The following CLDN9 variants were observed in gnomAD, a reference collection of about 807,000 sequenced individuals.
The protein encoded by CLDN9 is claudin 9.
CLDN9 carries 14 observed loss-of-function variants against 10.1 expected under a neutral mutation model. The observed-to-expected ratio is 1.38, with a 90% CI of 0.91 to 2.16. The LOEUF (loss-of-function observed/expected upper bound fraction) is 2.16. CLDN9 is among the 30% of genes most tolerant of loss of function. CLDN9 has a pLI of 0.00. For missense variants in CLDN9, 332 were observed against 294.8 expected (o/e 1.13, Z -0.93); for synonymous variants, 162 against 143.1 (o/e 1.13, Z -0.95).
Position 3,013,110 on chromosome 16 carries a change from C to T in CLDN9, c.-253C>T, listed in dbSNP as rs765505498. Reference sequence around the variant, plus strand: ...GATGGGCGGAGGCCCCTCGAGGTGACACCCACCACTCAGCCGAGCGGGACT... The same window carrying T: ...GATGGGCGGAGGCCCCTCGAGGTGATACCCACCACTCAGCCGAGCGGGACT... On this transcript the variant is annotated 5_prime_UTR_variant, in exon 1 of 1. Transcript: ENST00000445369. The surrounding 1 kb of genome is among the most constrained non-coding windows in gnomAD (Gnocchi z 6.4). The T allele has an allele frequency of 8.8e-5, 47 of 536,246 alleles. No individual in the cohort carries two copies. Among genetic ancestry groups the T allele is most frequent in the Non-Finnish European group, 1.4e-4 (42 of 299,666 alleles). The allele number at this position is 536,246 out of a possible 1,614,324, so 33.2% of individuals were successfully genotyped here. A position where few individuals can be genotyped will look rare whatever the true frequency, so the allele number is the denominator to read the frequency against.
rs1373901376 is a variant in CLDN9 at position 3,013,261 on chromosome 16, TC to T, written c.-97del. On this transcript the variant is annotated 5_prime_UTR_variant, in exon 1 of 1. An upstream open reading frame in the 5' UTR loses its in-frame stop. Transcript: ENST00000445369. The surrounding 1 kb of genome is among the most constrained non-coding windows in gnomAD (Gnocchi z 6.4). Reference sequence around the variant, plus strand: ...CTGGCTTGGGGACACCAACAAGCCTTCCCCCTCCTGCTGGACACAGAGACAC... The same window carrying T: ...CTGGCTTGGGGACACCAACAAGCCTTCCCCTCCTGCTGGACACAGAGACAC... 15 of 1,367,350 alleles carry T rather than the reference TC, an allele frequency of 1.1e-5. No homozygotes were observed. Among genetic ancestry groups the T allele is most frequent in the Non-Finnish European group, 2.9e-6 (3 of 1,019,868 alleles). The allele number at this position is 1,367,350 out of a possible 1,614,324, so 84.7% of individuals were successfully genotyped here. A position where few individuals can be genotyped will look rare whatever the true frequency, so the allele number is the denominator to read the frequency against.
Position 3,013,379 on chromosome 16 carries a change from T to C in CLDN9, c.17T>C (p.Leu6Ser). 1 of 1,613,170 alleles carries C rather than the reference T, an allele frequency of 6.2e-7. No homozygotes were observed. Among genetic ancestry groups the C allele is most frequent in the Middle Eastern group, 1.7e-4 (1 of 6,060 alleles). Residue 6 changes from leucine (L) to serine (S), a missense_variant, in exon 1 of 1, where the codon TTA becomes TCA. Coordinates refer to ENST00000445369, the MANE Select transcript of CLDN9 (RefSeq NM_020982.4). This position sits in a 1 kb window ranked among gnomAD's most constrained non-coding sequence, Gnocchi z 6.4. ...AGGGGCCAGATGGCTTCGACCGGCT[T>C]AGAACTGCTGGGCATGACCCTGGCT... MASTGLELLGMTLAVL... is the reference protein window; with the variant it reads MASTGSELLGMTLAVL...
rs960216725 is a variant in CLDN9, at chr16:3,014,217, C to T, written c.*201C>T. ...TCAGTGGGGTCCCCTTTGATGTTCT[C>T]CCCCAAGTTGGGCAGCCTAGAGGTG... is the stretch of plus-strand genomic sequence containing the variant. On this transcript the variant is annotated 3_prime_UTR_variant, in exon 1 of 1. Coordinates refer to ENST00000445369, the MANE Select transcript of CLDN9 (RefSeq NM_020982.4). 3.5e-6 allele frequency: 2 copies of T among 567,196 alleles called. No homozygotes were observed. The highest frequency in any genetic ancestry group is 1.9e-5 in the African/African-American group (1 of 52,616). 35.1% of individuals were successfully genotyped at this position (567,196 alleles called of 1,614,324 possible).
chr16:3,013,237 TG>T lies in CLDN9; in HGVS notation c.-124del. ...CCTTTCATGGAACTGAGGACTGGCC[TG>T]GCTTGGGGACACCAACAAGCCTTCC... On this transcript the variant is annotated 5_prime_UTR_variant, in exon 1 of 1. The change abolishes the stop of an existing upstream ORF in the 5' untranslated region. Coordinates refer to ENST00000445369, the MANE Select transcript of CLDN9 (RefSeq NM_020982.4). This position sits in a 1 kb window ranked among gnomAD's most constrained non-coding sequence, Gnocchi z 6.4. 8.9e-7 allele frequency: 1 copy of T among 1,122,842 alleles called. No individual in the cohort carries two copies. The highest frequency in any genetic ancestry group is 1.2e-6 in the Non-Finnish European group (1 of 809,720). 69.6% of individuals were successfully genotyped at this position (1,122,842 alleles called of 1,614,324 possible).
In CLDN9 at chr16:3,013,153, T is replaced by C; in HGVS notation, c.-210T>C. The C allele has an allele frequency of 1.6e-6, 1 of 606,408 alleles. No individual in the cohort carries two copies. The highest frequency in any genetic ancestry group is 2.1e-5 in the South Asian group (1 of 48,536). 37.6% of individuals were successfully genotyped at this position (606,408 alleles called of 1,614,324 possible). A position where few individuals can be genotyped will look rare whatever the true frequency, so the allele number is the denominator to read the frequency against. ...GCGGGACTACGAGTCTGCTTTGTGCTCCGCGAGGACCAGAAACACCTGCAA... is the reference window on the plus strand; with the variant it reads ...GCGGGACTACGAGTCTGCTTTGTGCCCCGCGAGGACCAGAAACACCTGCAA... On this transcript the variant is annotated 5_prime_UTR_variant, in exon 1 of 1. Transcript: ENST00000445369. The surrounding 1 kb of genome is among the most constrained non-coding windows in gnomAD (Gnocchi z 6.4).
At position 3,013,871 on chromosome 16, in the gene CLDN9, C is replaced by A; in HGVS notation, c.509C>A (p.Ala170Glu). ...GCCTCCCTCTACCTGGGCTGGGCGG[C>A]GGCTGCACTGCTTATGCTGGGCGGG... Reference protein sequence around the residue: ...LGASLYLGWAAAALLMLGGGL... With the variant: ...LGASLYLGWAEAALLMLGGGL... The change falls in exon 1 of 1, where the codon GCG becomes GAG. Residue 170 changes from alanine (A) to glutamate (E), a missense_variant. Physicochemically the swap from Ala to Glu is moderately radical, Grantham distance 107. Transcript: ENST00000445369. This position sits in a 1 kb window ranked among gnomAD's most constrained non-coding sequence, Gnocchi z 6.4. The A allele has an allele frequency of 1.2e-6, 2 of 1,611,906 alleles. No individual in the cohort carries two copies. Among genetic ancestry groups the A allele is most frequent in the Non-Finnish European group, 1.7e-6 (2 of 1,179,644 alleles).
rs779085754 is a variant in CLDN9, at chr16:3,013,471, G to C, written c.109G>C (p.Gly37Arg). The C allele has an allele frequency of 3.1e-6, 5 of 1,613,940 alleles. No homozygotes were observed. Among genetic ancestry groups the C allele is most frequent in the Admixed American group, 1.7e-5 (1 of 60,010 alleles). The part of the protein sequence containing the change: ...LPLWKVTAFI[G>R]NSIVVAQVVW... ...CCTGTGGAAGGTGACCGCCTTCATC[G>C]GCAACAGCATCGTGGTGGCCCAGGT... is the stretch of plus-strand genomic sequence containing the variant. The change falls in exon 1 of 1, where the codon GGC (glycine) becomes CGC (arginine). Residue 37 changes from glycine to arginine, a missense_variant. Transcript: ENST00000445369. The surrounding 1 kb of genome is among the most constrained non-coding windows in gnomAD (Gnocchi z 6.4).
At position 3,013,371 on chromosome 16, in the gene CLDN9, G is replaced by A. The variant is rs151195275; in HGVS notation, c.9G>A (p.Ser3=). The part of the protein sequence containing the change: MA[S]TGLELLGMTL... ...CCTAACCGAGGGGCCAGATGGCTTCGACCGGCTTAGAACTGCTGGGCATGA... is the reference window on the plus strand; with the variant it reads ...CCTAACCGAGGGGCCAGATGGCTTCAACCGGCTTAGAACTGCTGGGCATGA... The change falls in exon 1 of 1, where the codon TCG becomes TCA. Residue 3 remains serine, a synonymous_variant. Transcript: ENST00000445369. This position sits in a 1 kb window ranked among gnomAD's most constrained non-coding sequence, Gnocchi z 6.4. The A allele has an allele frequency of 5.0e-5, 81 of 1,610,670 alleles. No individual in the cohort carries two copies. Among genetic ancestry groups the A allele is most frequent in the South Asian group, 3.3e-5 (3 of 90,966 alleles).
rs1008648622 is a variant in CLDN9, at chr16:3,013,953, G to A, written c.591G>A (p.Arg197=). Residue 197 remains arginine, a synonymous_variant, in exon 1 of 1, where the codon CGG becomes CGA. Transcript: ENST00000445369. The surrounding 1 kb of genome is among the most constrained non-coding windows in gnomAD (Gnocchi z 6.4). ...PPQVERPRGP[R]LGYSIPSRSG... ...AGGTCGAGCGGCCCCGCGGACCTCG[G>A]CTGGGCTACTCCATCCCCTCCCGCT... 1 of 1,562,550 alleles carries A rather than the reference G, an allele frequency of 6.4e-7. No individual in the cohort carries two copies. The highest frequency in any genetic ancestry group is 8.6e-7 in the Non-Finnish European group (1 of 1,158,304).
Position 3,013,044 on chromosome 16 carries a change from G to A in CLDN9, c.-319G>A. ...GCCTGTGCGAGCTCAGCCCAGGTGT[G>A]ACAGCGGGGTGGTAAGAGCAGCAGC... is the stretch of plus-strand genomic sequence containing the variant. On this transcript the variant is annotated 5_prime_UTR_variant, in exon 1 of 1. Transcript: ENST00000445369. This position sits in a 1 kb window ranked among gnomAD's most constrained non-coding sequence, Gnocchi z 6.4. 2.8e-6 allele frequency: 1 copy of A among 358,398 alleles called. No homozygotes were observed. Among genetic ancestry groups the A allele is most frequent in the Non-Finnish European group, 5.2e-6 (1 of 192,518 alleles). The allele number at this position is 358,398 out of a possible 1,614,324, so 22.2% of individuals were successfully genotyped here. A position where few individuals can be genotyped will look rare whatever the true frequency, so the allele number is the denominator to read the frequency against.
At position 3,013,714 on chromosome 16, in the gene CLDN9, G is replaced by T; in HGVS notation, c.352G>T (p.Val118Leu). 2.5e-6 allele frequency: 4 copies of T among 1,613,648 alleles called. No individual in the cohort carries two copies. Among genetic ancestry groups the T allele is most frequent in the Non-Finnish European group, 3.4e-6 (4 of 1,179,976 alleles). The stretch of plus-strand genomic sequence containing the variant: ...GGACGAAGGTGCCAAGGCCCGTATC[G>T]TGCTCACCGCGGGGGTCATCCTCCT... ...VEDEGAKARI[V>L]LTAGVILLLA... Residue 118 changes from valine to leucine, a missense_variant, in exon 1 of 1, where the codon GTG becomes TTG. Val to Leu is a conservative substitution (Grantham distance 32, BLOSUM62 1). Coordinates refer to ENST00000445369, the MANE Select transcript of CLDN9 (RefSeq NM_020982.4). This position sits in a 1 kb window ranked among gnomAD's most constrained non-coding sequence, Gnocchi z 6.4.
Position 3,013,929 on chromosome 16 carries a change from G to C in CLDN9, c.567G>C (p.Gln189His), listed in dbSNP as rs771479858. 1.3e-6 allele frequency: 2 copies of C among 1,585,396 alleles called. No homozygotes were observed. The highest frequency in any genetic ancestry group is 1.7e-6 in the Non-Finnish European group (2 of 1,168,380). The change falls in exon 1 of 1, where the codon CAG becomes CAC. Residue 189 changes from glutamine (Q) to histidine (H), a missense_variant. Coordinates refer to ENST00000445369, the MANE Select transcript of CLDN9 (RefSeq NM_020982.4). The surrounding 1 kb of genome is among the most constrained non-coding windows in gnomAD (Gnocchi z 6.4). Reference protein sequence around the residue: ...GLLCCTCPPPQVERPRGPRLG... With the variant: ...GLLCCTCPPPHVERPRGPRLG... ...TCTGCTGCACGTGCCCCCCGCCCCA[G>C]GTCGAGCGGCCCCGCGGACCTCGGC...
chr16:3,014,107 C>T lies in CLDN9; in HGVS notation c.*91C>T. The T allele has an allele frequency of 7.3e-7, 1 of 1,376,288 alleles. No individual in the cohort carries two copies. Among genetic ancestry groups the T allele is most frequent in the Non-Finnish European group, 9.8e-7 (1 of 1,021,878 alleles). The allele number at this position is 1,376,288 out of a possible 1,614,324, so 85.3% of individuals were successfully genotyped here. ...ACCAGATGCCCTGCTCCATCACAAC[C>T]TCCTTCCCCAGGAAAACCCACTTTC... On this transcript the variant is annotated 3_prime_UTR_variant, in exon 1 of 1. Coordinates refer to ENST00000445369, the MANE Select transcript of CLDN9 (RefSeq NM_020982.4).
rs377171800 is a variant in CLDN9, at chr16:3,013,709, G to C, written c.347G>C (p.Arg116Pro). ...TCVEDEGAKA[R>P]IVLTAGVILL... is the part of the protein sequence containing the mutation. ...GTGGAGGACGAAGGTGCCAAGGCCC[G>C]TATCGTGCTCACCGCGGGGGTCATC... Residue 116 changes from arginine (R) to proline (P), a missense_variant, in exon 1 of 1, where the codon CGT becomes CCT. Transcript: ENST00000445369. The surrounding 1 kb of genome is among the most constrained non-coding windows in gnomAD (Gnocchi z 6.4). 12 of 1,613,592 alleles carry C rather than the reference G, an allele frequency of 7.4e-6. No homozygotes were observed. Among genetic ancestry groups the C allele is most frequent in the Non-Finnish European group, 9.3e-6 (11 of 1,179,984 alleles).
rs1486912505 is a variant in CLDN9 at position 3,013,084 on chromosome 16, C to G, written c.-279C>G. 1 of 473,106 alleles carries G rather than the reference C, an allele frequency of 2.1e-6. No individual in the cohort carries two copies. The highest frequency in any genetic ancestry group is 1.9e-5 in the African/African-American group (1 of 51,360). 29.3% of individuals were successfully genotyped at this position (473,106 alleles called of 1,614,324 possible). On this transcript the variant is annotated 5_prime_UTR_variant, in exon 1 of 1. Transcript: ENST00000445369. The surrounding 1 kb of genome is among the most constrained non-coding windows in gnomAD (Gnocchi z 6.4). ...AGAGCAGCAGCACCCTCAGGGCATC[C>G]GATGGGCGGAGGCCCCTCGAGGTGA...
chr16:3,013,155 C>A lies in CLDN9; in HGVS notation c.-208C>A. On this transcript the variant is annotated 5_prime_UTR_variant, in exon 1 of 1. Transcript: ENST00000445369. This position sits in a 1 kb window ranked among gnomAD's most constrained non-coding sequence, Gnocchi z 6.4. ...GGGACTACGAGTCTGCTTTGTGCTC[C>A]GCGAGGACCAGAAACACCTGCAAGA... 1.6e-6 allele frequency: 1 copy of A among 610,268 alleles called. No individual in the cohort carries two copies. 37.8% of individuals were successfully genotyped at this position (610,268 alleles called of 1,614,324 possible). A position where few individuals can be genotyped will look rare whatever the true frequency, so the allele number is the denominator to read the frequency against.
rs779050510 is a variant in CLDN9, at chr16:3,013,860, G to C, written c.498G>C (p.Leu166=). 5.0e-6 allele frequency: 8 copies of C among 1,612,220 alleles called. No individual in the cohort carries two copies. The Admixed American group carries it at 1.2e-4, about 24-fold the overall frequency. The part of the protein sequence containing the change: ...LKRELGASLY[L]GWAAAALLML... ...GGGAGCTGGGGGCCTCCCTCTACCTGGGCTGGGCGGCGGCTGCACTGCTTA... is the reference window on the plus strand; with the variant it reads ...GGGAGCTGGGGGCCTCCCTCTACCTCGGCTGGGCGGCGGCTGCACTGCTTA... Residue 166 remains leucine, a synonymous_variant, in exon 1 of 1, where the codon CTG becomes CTC. Coordinates refer to ENST00000445369, the MANE Select transcript of CLDN9 (RefSeq NM_020982.4). The surrounding 1 kb of genome is among the most constrained non-coding windows in gnomAD (Gnocchi z 6.4).
chr16:3,013,526 T>C lies in CLDN9; in HGVS notation c.164T>C (p.Val55Ala), dbSNP rs1227127188. The C allele has an allele frequency of 6.2e-7, 1 of 1,613,852 alleles. No individual in the cohort carries two copies. The highest frequency in any genetic ancestry group is 1.7e-5 in the Admixed American group (1 of 60,002). Residue 55 changes from valine to alanine, a missense_variant, in exon 1 of 1, where the codon GTG becomes GCG. Coordinates refer to ENST00000445369, the MANE Select transcript of CLDN9 (RefSeq NM_020982.4). The surrounding 1 kb of genome is among the most constrained non-coding windows in gnomAD (Gnocchi z 6.4). ...TGGGAGGGCCTGTGGATGTCCTGCG[T>C]GGTGCAGAGCACGGGCCAGATGCAG... ...VVWEGLWMSCVVQSTGQMQCK... is the reference protein window; with the variant it reads ...VVWEGLWMSCAVQSTGQMQCK...
In CLDN9 at chr16:3,013,049, C is replaced by T. The variant is rs1179158414; in HGVS notation, c.-314C>T. ...TGCGAGCTCAGCCCAGGTGTGACAG[C>T]GGGGTGGTAAGAGCAGCAGCACCCT... On this transcript the variant is annotated 5_prime_UTR_variant, in exon 1 of 1. Transcript: ENST00000445369. The surrounding 1 kb of genome is among the most constrained non-coding windows in gnomAD (Gnocchi z 6.4). The T allele has an allele frequency of 2.7e-5, 10 of 368,164 alleles. No individual in the cohort carries two copies. The highest frequency in any genetic ancestry group is 7.8e-4 in the Middle Eastern group (1 of 1,282). The allele number at this position is 368,164 out of a possible 1,614,324, so 22.8% of individuals were successfully genotyped here. A position where few individuals can be genotyped will look rare whatever the true frequency, so the allele number is the denominator to read the frequency against.
Sources: allele counts gnomAD v4.1 joint callset, GRCh38; gene constraint gnomAD v4.1.1; non-coding constraint Gnocchi (gnomAD v3.1); transcripts MANE v1.5; gene names NCBI Gene and HGNC (gene_info 2026-07-23, HGNC 2026-07-21).